The following MID1 variants were observed in gnomAD, a reference collection of about 807,000 sequenced individuals.
The protein encoded by MID1 is E3 ubiquitin-protein ligase Midline-1.
MID1 carries 7 observed loss-of-function variants against 40.4 expected under a neutral mutation model. That is an observed-to-expected ratio of 0.17 (90% CI 0.10 to 0.33). MID1 has a LOEUF of 0.33. MID1 is among the 10% of genes least tolerant of loss of function. MID1 has a pLI of 1.00. For synonymous variants in MID1, 229 were observed against 221.2 expected (o/e 1.04, Z -0.31); for missense variants, 367 against 558.5 (o/e 0.66, Z 3.46).
intron 3 of MID1, among the ~76,000 whole-genome samples, chrX:10,514,502 G>A (rs1489297931): frequency 8.9e-6 from 1 of 112,141 alleles, no homozygotes; most frequent in Non-Finnish European, 1.9e-5. Context: ...AGACATTCAA[G>A]TATGTGTTAG....
chrX:10,502,179 G>C (rs1363730092), intron 3 of MID1, among the ~76,000 whole-genome samples: 2 of 111,674 alleles, frequency 1.8e-5, no homozygotes, highest in African/African-American at 6.5e-5. Flanking sequence ...GAACTCTTAG[G>C]ATGGAGCATG....
At chrX:10,747,013 G>A (rs752144050) in intron 1 of MID1, among the ~76,000 whole-genome samples, 11 of 111,428 alleles carry the variant, frequency 9.9e-5, no homozygotes, top group Admixed American at 2.9e-4. Context: ...AAGGTGAGAG[G>A]TGATGGAAAG....
intron 1 of MID1, among the ~76,000 whole-genome samples, chrX:10,636,793 T>TATATATATATATATATATATAC (rs1936120593): frequency 1.3e-5 from 1 of 78,633 alleles, no homozygotes; most frequent in Non-Finnish European, 2.4e-5. Flanking sequence ...GGGATATATA[T>TATATATATATATATATATATAC]ATATATATAT....
chrX:10,518,019 C>T (rs1403874127), intron 3 of MID1, among the ~76,000 whole-genome samples: 1 of 111,917 alleles, frequency 8.9e-6, no homozygotes, highest in South Asian at 3.7e-4. Flanking sequence ...GTACTCCAAC[C>T]GCACTACCAA....
intron 3 of MID1, among the ~76,000 whole-genome samples, chrX:10,521,111 T>A: frequency 1.8e-5 from 1 of 54,852 alleles, no homozygotes; most frequent in Non-Finnish European, 3.3e-5. Context: ...AGAGAAAGAG[T>A]GTGTATGGGA....
At chrX:10,730,922 A>G (rs2043444730) in intron 1 of MID1, among the ~76,000 whole-genome samples, 1 of 111,657 alleles carries the variant, frequency 9.0e-6, no homozygotes, top group Non-Finnish European at 1.9e-5. Flanking sequence ...AAATTAGATA[A>G]TTTAAATCTG....
intron 4 of MID1, 143 bp from the exon 5 acceptor site, chrX:10,482,771 A>C: frequency 3.3e-6 from 2 of 599,738 alleles, no homozygotes; most frequent in Non-Finnish European, 5.5e-6. Flanking sequence ...CAAAATATGG[A>C]AAGCTCCGTT....
intron 1 of MID1, among the ~76,000 whole-genome samples, chrX:10,798,890 T>C (rs895026346): frequency 8.9e-6 from 1 of 111,903 alleles, no homozygotes; most frequent in Non-Finnish European, 1.9e-5. Context: ...TGGGGCCAAA[T>C]AGAAGACACA....
At chrX:10,775,152 G>A (rs1389428884) in intron 1 of MID1, among the ~76,000 whole-genome samples, 2 of 106,227 alleles carry the variant, frequency 1.9e-5, no homozygotes, top group Non-Finnish European at 3.9e-5. Context: ...AGGGGAGATG[G>A]AGGGGGAGAG....
At chrX:10,728,190 TC>T (rs199653296) in intron 1 of MID1, among the ~76,000 whole-genome samples, 4 of 108,789 alleles carry the variant, frequency 3.7e-5, no homozygotes, top group South Asian at 4.0e-4. Context: ...CATCAACTTT[TC>T]CCCCCCCAGG....
At chrX:10,560,190 C>T (rs1934278807) in intron 2 of MID1, among the ~76,000 whole-genome samples, 3 of 110,820 alleles carry the variant, frequency 2.7e-5, no homozygotes, top group Non-Finnish European at 1.9e-5. Flanking sequence ...CCAGCCATAT[C>T]GTTCTTAATA....
chrX:10,756,464 G>C (rs2043633362), intron 1 of MID1, among the ~76,000 whole-genome samples: 1 of 112,149 alleles, frequency 8.9e-6, no homozygotes, highest in South Asian at 3.7e-4. Context: ...AGAAAGACAA[G>C]TACAATCGTG....
rs753167776 is a variant in MID1, at chrX:10,539,837, C to G, written c.661-16650G>C. Among the ~76,000 whole-genome samples, 4 of 112,628 alleles carry G rather than the reference C, an allele frequency of 3.6e-5. No individual in the cohort carries two copies. The South Asian group carries it at 1.5e-3, about 42-fold the overall frequency. ...ACAGTTCACTGCAGCCTCCACCTCC[C>G]TGGCTCAAGTGATCCTTCCACCTCA... On this transcript the variant is annotated intron_variant, in intron 2 of 9. Transcript: ENST00000317552.
Position 10,780,519 on chromosome X carries a change from T to G in MID1, c.-187+53035A>C, listed in dbSNP as rs763041693. Among the ~76,000 whole-genome samples the G allele has an allele frequency of 5.4e-5, 6 of 111,972 alleles. No homozygotes were observed. In the East Asian group the frequency reaches 1.4e-3, roughly 26 times the overall value. ...AAGTAAAAAGCTTGATCTAGGCACT[T>G]AGTCCTAAATAGAGAGATAAATCTT... On this transcript the variant is annotated intron_variant, in intron 1 of 10. Coordinates refer to the MID1 transcript ENST00000380785.
At chrX:10,758,365 C>T (rs2147118493) in intron 1 of MID1, among the ~76,000 whole-genome samples, 1 of 109,378 alleles carries the variant, frequency 9.1e-6, no homozygotes. Flanking sequence ...TATTTGTTCT[C>T]CTTATTACCC....
intron 4 of MID1, among the ~76,000 whole-genome samples, chrX:10,489,736 C>T (rs1930828402): frequency 9.6e-6 from 1 of 104,035 alleles, no homozygotes; most frequent in African/African-American, 3.7e-5. Context: ...CTCTCTGTCG[C>T]CCGGGCCGGA....
At chrX:10,546,896 T>C (rs913109028) in intron 2 of MID1, among the ~76,000 whole-genome samples, 1 of 112,529 alleles carries the variant, frequency 8.9e-6, no homozygotes, top group Non-Finnish European at 1.9e-5. Flanking sequence ...CTCCTAATCA[T>C]AGACACTTCC....
intron 1 of MID1, among the ~76,000 whole-genome samples, chrX:10,794,012 T>C (rs868292036): frequency 1.8e-5 from 2 of 111,760 alleles, no homozygotes; most frequent in Middle Eastern, 4.6e-3. Context: ...CACTTCTCTG[T>C]CCACTAGAAT....
Position 10,498,778 on chromosome X carries a change from C to T in MID1, c.757-3087G>A, listed in dbSNP as rs745779058. On this transcript the variant is annotated intron_variant, in intron 3 of 9. Transcript: ENST00000317552. ...TTTTCAAGGTTCATCTGTGTGGTAG[C>T]ATTTATCAGTACTTCATTCCTTTCT... 3.6e-5 allele frequency among the ~76,000 whole-genome samples: 4 copies of T among 112,440 alleles called. No homozygotes were observed. In the South Asian group the frequency reaches 1.5e-3, roughly 42 times the overall value.
Sources: gnomAD v4.1 joint callset for allele counts (sites outside exome capture counted in the v4.1 genomes callset) on GRCh38, gnomAD v4.1.1 for gene constraint, MANE v1.5 for transcripts, NCBI Gene and HGNC (gene_info 2026-07-23, HGNC 2026-07-21) for gene names.